The following MAN2B2 variants were observed in gnomAD, a reference collection of about 807,000 sequenced individuals.
MAN2B2 encodes the protein mannosidase alpha class 2B member 2.
A neutral mutation model predicts 117.1 loss-of-function variants in MAN2B2; 106 were observed. The ratio of observed to expected loss-of-function variants is 0.90; its 90% confidence interval spans 0.77 to 1.06. The LOEUF is 1.06. Among genes scored for constraint, MAN2B2 ranks in the 50% least tolerant of loss-of-function variants. The pLI is 0.00. For missense variants in MAN2B2, 1,326 were observed against 1,381.4 expected (o/e 0.96, Z 0.64); for synonymous variants, 544 against 595.1 (o/e 0.91, Z 1.25).
At chr4:6,596,187 G>T (rs975732864) in intron 7 of MAN2B2, among the ~76,000 whole-genome samples, 1 of 144,586 alleles carries the variant, frequency 6.9e-6, no homozygotes, top group African/African-American at 2.9e-5. Flanking sequence ...GGTGGGCGTG[G>T]CGTCCAGGTG....
Position 6,614,217 on chromosome 4 carries a change from G to A in MAN2B2, c.2564-1G>A. The A allele has an allele frequency of 2.5e-6, 4 of 1,614,020 alleles. No homozygotes were observed. The highest frequency in any genetic ancestry group is 3.4e-6 in the Non-Finnish European group (4 of 1,179,932). The stretch of plus-strand genomic sequence containing the variant: ...CCTCACTCTGTCCATCTGCCTTGCA[G>A]GGACTGCGCCGAAGCTCCCAGGACC... On this transcript the variant is annotated splice_acceptor_variant, in intron 15 of 18. Transcript: ENST00000285599. LOFTEE classifies it high-confidence loss of function.
chr4:6,582,617 G>A, intron 3 of MAN2B2, among the ~76,000 whole-genome samples: 1 of 151,792 alleles, frequency 6.6e-6, no homozygotes, highest in Non-Finnish European at 1.5e-5. Flanking sequence ...TGGGATTACA[G>A]ACCTGAGCCA....
chr4:6,585,096 C>T (rs1726581363), intron 3 of MAN2B2, among the ~76,000 whole-genome samples: 1 of 152,116 alleles, frequency 6.6e-6, no homozygotes, highest in African/African-American at 2.4e-5. Flanking sequence ...TACATATGCA[C>T]AGCCTCCACC....
In MAN2B2 at chr4:6,585,582, T is replaced by A. The variant is rs189129180; in HGVS notation, c.392-1414T>A. Among the ~76,000 whole-genome samples, 3 of 152,352 alleles carry A rather than the reference T, an allele frequency of 2.0e-5. No individual in the cohort carries two copies. The East Asian group carries it at 5.8e-4, about 29-fold the overall frequency. ...TCTGGCATGGAGTCCTTTGTATTCATGATCTATTTCCGTGTAGCAAATTGC... is the reference window on the plus strand; with the variant it reads ...TCTGGCATGGAGTCCTTTGTATTCAAGATCTATTTCCGTGTAGCAAATTGC... On this transcript the variant is annotated intron_variant, in intron 3 of 18. Coordinates refer to ENST00000285599, the MANE Select transcript of MAN2B2 (RefSeq NM_015274.3).
rs1039718781 is a variant in MAN2B2, at chr4:6,621,494, C to G, written c.*209C>G. On this transcript the variant is annotated 3_prime_UTR_variant, in exon 19 of 19. Transcript: ENST00000285599. ...TTACAAGATCCAGGTTCTTCCCCCC[C>G]ACACTCAATCAAGCCAGCCCTCTCC... 1.5e-5 allele frequency: 8 copies of G among 542,150 alleles called. No individual in the cohort carries two copies. The East Asian group carries it at 1.5e-4, about 10-fold the overall frequency. The allele number at this position is 542,150 out of a possible 1,614,324, so 33.6% of individuals were successfully genotyped here.
At position 6,617,786 on chromosome 4, in the gene MAN2B2, T is replaced by TGCTCCCACCTCAACCTCCCAAGTAAC. The variant is rs1711964246; in HGVS notation, c.2814+294_2814+295insGCTCCCACCTCAACCTCCCAAGTAAC. 3 of 317,314 alleles carry TGCTCCCACCTCAACCTCCCAAGTAAC rather than the reference T, an allele frequency of 9.5e-6. No homozygotes were observed. In the Admixed American group the frequency reaches 1.5e-4, roughly 16 times the overall value. 19.7% of individuals were successfully genotyped at this position (317,314 alleles called of 1,614,324 possible). The stretch of plus-strand genomic sequence containing the variant: ...ACCTCTGCCTCCCTGGCTCAAGTGA[T>TGCTCCCACCTCAACCTCCCAAGTAAC]CCTCCCACCTCAACCTCCCAAGTAA... On this transcript the variant is annotated intron_variant, in intron 17 of 18. Coordinates refer to ENST00000285599, the MANE Select transcript of MAN2B2 (RefSeq NM_015274.3).
At chr4:6,609,513 GGAGA>G in intron 12 of MAN2B2, 1 of 581,466 alleles carries the variant, frequency 1.7e-6, no homozygotes, top group Non-Finnish European at 2.9e-6. Flanking sequence ...TTCAGAGCTG[GGAGA>G]GAGACCCACA....
At chr4:6,598,431 G>A (rs962379338) in intron 9 of MAN2B2, 77 bp downstream of exon 9, 23 of 1,468,282 alleles carry the variant, frequency 1.6e-5, no homozygotes, top group Admixed American at 4.1e-5. Context: ...GGGGCTCAAC[G>A]ACCCCAGCTT....
chr4:6,600,231 G>A (rs189677542), intron 9 of MAN2B2, among the ~76,000 whole-genome samples: 3 of 152,342 alleles, frequency 2.0e-5, no homozygotes, highest in Non-Finnish European at 4.4e-5. Flanking sequence ...GGCTCACAGT[G>A]CCCAGCACTC....
chr4:6,579,034 TACCACCATCAC>T (rs1726191236), intron 3 of MAN2B2, among the ~76,000 whole-genome samples: 1 of 33,776 alleles, frequency 3.0e-5, no homozygotes, highest in Non-Finnish European at 6.0e-5. Context: ...CCATCACCAC[TACCACCATCAC>T]CACCATCACC....
At chr4:6,593,519 C>A (rs1309842753) in intron 6 of MAN2B2, among the ~76,000 whole-genome samples, 169 bp downstream of exon 6, 1 of 152,186 alleles carries the variant, frequency 6.6e-6, no homozygotes, top group Non-Finnish European at 1.5e-5. Context: ...CCCACTCTAC[C>A]AGCCCCTCCC....
intron 3 of MAN2B2, among the ~76,000 whole-genome samples, chr4:6,582,678 CA>C (rs1447969081): frequency 6.6e-6 from 1 of 151,518 alleles, no homozygotes; most frequent in African/African-American, 2.4e-5. Flanking sequence ...TGTCTCTCTT[CA>C]AAAAAAAATT....
At chr4:6,617,847 G>GT (rs56063851) in intron 17 of MAN2B2, 8,465 of 162,800 alleles carry the variant, frequency 0.052, 351 homozygotes, top group African/African-American at 0.14. Flanking sequence ...CGATGGCTAA[G>GT]TTTTTTTTTT....
Position 6,621,269 on chromosome 4 carries a change from A to G in MAN2B2, c.3014A>G (p.His1005Arg). The change falls in exon 19 of 19, where the codon CAC becomes CGC. Residue 1005 changes from histidine (H) to arginine (R), a missense_variant. By Grantham distance (29) the His-to-Arg change is conservative. Coordinates refer to ENST00000285599, the MANE Select transcript of MAN2B2 (RefSeq NM_015274.3). ...AAGGAAATCCGGACGTTCTTTATTC[A>G]CTTTCAACAGCAGTGAGCCCTGGGC... ...HPKEIRTFFI[H>R]FQQQ The G allele has an allele frequency of 6.2e-7, 1 of 1,613,916 alleles. No individual in the cohort carries two copies. Among genetic ancestry groups the G allele is most frequent in the Non-Finnish European group, 8.5e-7 (1 of 1,179,884 alleles).
chr4:6,589,087 C>T lies in MAN2B2; in HGVS notation c.607C>T (p.Arg203Trp), dbSNP rs556256677. Residue 203 changes from arginine to tryptophan, a missense_variant, in exon 5 of 19, where the codon CGG (arginine) becomes TGG (tryptophan). Physicochemically the swap from Arg to Trp is moderately radical, Grantham distance 101 (BLOSUM62 -3). Transcript: ENST00000285599. ...VWRGSPSLSERQEIFTHIMDQ... is the reference protein window; with the variant it reads ...VWRGSPSLSEWQEIFTHIMDQ... The stretch of plus-strand genomic sequence containing the variant: ...GCGAGGGTCCCCATCCCTCTCAGAG[C>T]GGCAGGAAATCTTCACGCACATCAT... The T allele has an allele frequency of 7.2e-5, 116 of 1,614,146 alleles. No homozygotes were observed. The highest frequency in any genetic ancestry group is 1.4e-4 in the South Asian group (13 of 91,086).
Position 6,621,498 on chromosome 4 carries a change from CTCAA to C in MAN2B2, c.*218_*221del. 1 of 538,950 alleles carries C rather than the reference CTCAA, an allele frequency of 1.9e-6. No homozygotes were observed. The highest frequency in any genetic ancestry group is 3.3e-6 in the Non-Finnish European group (1 of 301,276). 33.4% of individuals were successfully genotyped at this position (538,950 alleles called of 1,614,324 possible). A position where few individuals can be genotyped will look rare whatever the true frequency, so the allele number is the denominator to read the frequency against. The stretch of plus-strand genomic sequence containing the variant: ...AAGATCCAGGTTCTTCCCCCCCACA[CTCAA>C]TCAAGCCAGCCCTCTCCTCTTCTGT... On this transcript the variant is annotated 3_prime_UTR_variant, in exon 19 of 19. Coordinates refer to ENST00000285599, the MANE Select transcript of MAN2B2 (RefSeq NM_015274.3).
chr4:6,593,841 T>A (rs1726959397), intron 6 of MAN2B2, among the ~76,000 whole-genome samples: 1 of 152,216 alleles, frequency 6.6e-6, no homozygotes, highest in Non-Finnish European at 1.5e-5. Context: ...TTTGCACCAC[T>A]GGGCCTAGGA....
intron 4 of MAN2B2, 140 bp downstream of exon 4, chr4:6,587,308 C>A (rs1456415819): frequency 9.5e-7 from 1 of 1,050,868 alleles, no homozygotes; most frequent in Non-Finnish European, 1.3e-6. Context: ...GGGGCTGTCC[C>A]CTAACCTTTG....
intron 4 of MAN2B2, 137 bp from the exon 5 acceptor site, chr4:6,588,908 A>C: frequency 1.6e-6 from 1 of 642,044 alleles, no homozygotes. Context: ...CGGAAACGGC[A>C]GGGGAGAGCT....
Sources: allele counts gnomAD v4.1 joint callset (sites outside exome capture counted in the v4.1 genomes callset), GRCh38; gene constraint gnomAD v4.1.1; transcripts MANE v1.5; gene names NCBI Gene and HGNC (gene_info 2026-07-23, HGNC 2026-07-21).